Variants in ASH2L observed in about 807,000 individuals in gnomAD.
ASH2L encodes ASH2 like, histone lysine methyltransferase complex subunit.
ASH2L carries 30 observed loss-of-function variants against 81.1 expected under a neutral mutation model. The ratio of observed to expected loss-of-function variants is 0.37; its 90% confidence interval spans 0.28 to 0.50. The LOEUF is 0.50. Among genes scored for constraint, ASH2L ranks in the 20% least tolerant of loss-of-function variants. ASH2L has a pLI of 0.95. For synonymous variants in ASH2L, 273 were observed against 279.9 expected (o/e 0.98, Z 0.24); for missense variants, 559 against 792.1 (o/e 0.71, Z 3.53).
Position 38,106,022 on chromosome 8 carries a change from A to G in ASH2L, c.188+284A>G, listed in dbSNP as rs964874374. 3.3e-5 allele frequency: 51 copies of G among 1,529,518 alleles called. No homozygotes were observed. The Middle Eastern group carries it at 5.0e-4, about 15-fold the overall frequency. 94.7% of individuals were successfully genotyped at this position (1,529,518 alleles called of 1,614,324 possible). On this transcript the variant is annotated intron_variant, in intron 1 of 15. Transcript: ENST00000343823. ...TCACACTTTAACGGGAGGCCTTCAC[A>G]TATTCCAGAAAAGAAACCACTTTGC...
Position 38,119,328 on chromosome 8 carries a change from T to C in ASH2L, c.912T>C (p.Asp304=). 2 of 1,549,742 alleles carry C rather than the reference T, an allele frequency of 1.3e-6. No homozygotes were observed. Among genetic ancestry groups the C allele is most frequent in the Non-Finnish European group, 1.7e-6 (2 of 1,146,348 alleles). ...GAGGAGCCAAGCGCAAACAGCAGGA[T>C]GGAGGGACCACAGGGACCACCAAGA... is the stretch of plus-strand genomic sequence containing the variant. ...KGRGAKRKQQ[D]GGTTGTTKKA... Residue 304 remains aspartate (D), a synonymous_variant, in exon 9 of 16, where the codon GAT becomes GAC. Transcript: ENST00000343823.
Position 38,121,153 on chromosome 8 carries a change from T to A in ASH2L, c.1165+4T>A, listed in dbSNP as rs1265989562. On this transcript the variant is annotated splice_donor_region_variant and intron_variant, in intron 10 of 15. Coordinates refer to ENST00000343823, the MANE Select transcript of ASH2L (RefSeq NM_004674.5). ...TTGTTAGCCCTACATGATCGAGGTA[T>A]GTAAAGTATTGGAGATCATATGGAT... 1.9e-6 allele frequency: 3 copies of A among 1,611,606 alleles called. No homozygotes were observed. The Admixed American group carries it at 5.0e-5, about 27-fold the overall frequency.
intron 6 of ASH2L, chr8:38,114,683 A>G: frequency 5.9e-6 from 3 of 505,570 alleles, no homozygotes; most frequent in Admixed American, 3.5e-5. Context: ...TCTTTGTGAA[A>G]TAGAAGGATA....
chr8:38,138,473 C>T (rs1334302227), intron 14 of ASH2L: 5 of 224,406 alleles, frequency 2.2e-5, no homozygotes, highest in South Asian at 1.6e-4. Context: ...GGATATTTAA[C>T]GTTTTATCTG....
chr8:38,138,918 C>T lies in ASH2L; in HGVS notation c.1779+43C>T, dbSNP rs113109779. 99 of 1,613,240 alleles carry T rather than the reference C, an allele frequency of 6.1e-5. 1 individual carries two copies. In the African/African-American group the frequency reaches 8.5e-4, roughly 14 times the overall value. ...TGGCTGCATGTGTCCTCAGCATCTC[C>T]GTGGCTGCTGTAGTCACCGTGTTCT... On this transcript the variant is annotated intron_variant, in intron 15 of 15. Coordinates refer to ENST00000343823, the MANE Select transcript of ASH2L (RefSeq NM_004674.5).
In ASH2L at chr8:38,139,138, A is replaced by G. The variant is rs1234985963; in HGVS notation, c.*67A>G. 1.6e-6 allele frequency: 2 copies of G among 1,256,728 alleles called. No homozygotes were observed. The highest frequency in any genetic ancestry group is 1.5e-5 in the African/African-American group (1 of 66,224). The allele number at this position is 1,256,728 out of a possible 1,614,324, so 77.8% of individuals were successfully genotyped here. A position where few individuals can be genotyped will look rare whatever the true frequency, so the allele number is the denominator to read the frequency against. On this transcript the variant is annotated 3_prime_UTR_variant, in exon 16 of 16. Coordinates refer to ENST00000343823, the MANE Select transcript of ASH2L (RefSeq NM_004674.5). ...CTGGGGGTTTTGTTTTTGTTTTTGA[A>G]CTGTCTCAAATGTTCTCCCAAAGAT...
At chr8:38,133,276 A>T (rs1802130620) in intron 12 of ASH2L, among the ~76,000 whole-genome samples, 178 bp from the exon 13 acceptor site, 1 of 152,214 alleles carries the variant, frequency 6.6e-6, no homozygotes, top group African/African-American at 2.4e-5. Context: ...AACATGTGCC[A>T]TCTGGTATTT....
intron 9 of ASH2L, 135 bp downstream of exon 9, chr8:38,119,498 G>C (rs759281681): frequency 4.2e-6 from 3 of 713,236 alleles, no homozygotes; most frequent in Non-Finnish European, 6.6e-6. Context: ...TGAGCACTTT[G>C]AGGGACAAAA....
intron 13 of ASH2L, among the ~76,000 whole-genome samples, chr8:38,134,496 T>C (rs570252700): frequency 3.3e-5 from 5 of 152,268 alleles, no homozygotes; most frequent in African/African-American, 9.6e-5. Flanking sequence ...TCTCACTCAG[T>C]GTCCTTCAGA....
chr8:38,119,222 G>A, intron 8 of ASH2L, 48 bp from the exon 9 acceptor site: 1 of 1,499,464 alleles, frequency 6.7e-7, no homozygotes, highest in Non-Finnish European at 9.1e-7. Flanking sequence ...GTATCCACAT[G>A]GTGTTTCCCT....
At chr8:38,133,354 A>C in intron 12 of ASH2L, 100 bp from the exon 13 acceptor site, 22 of 733,300 alleles carry the variant, frequency 3.0e-5, no homozygotes, top group Non-Finnish European at 4.8e-5. Context: ...TATCTGTTGT[A>C]GAGCTCAAGG....
At chr8:38,118,764 A>G (rs1267235378) in intron 8 of ASH2L, among the ~76,000 whole-genome samples, 1 of 152,196 alleles carries the variant, frequency 6.6e-6, no homozygotes, top group African/African-American at 2.4e-5. Flanking sequence ...ATTCAGGTTC[A>G]ATGCTTTAGC....
rs151062613 is a variant in ASH2L, at chr8:38,135,856, T to TC, written c.1719+92dup. 2,695 of 975,194 alleles carry TC rather than the reference T, an allele frequency of 2.8e-3. 71 individuals carry two copies. In the African/African-American group the frequency reaches 0.04, roughly 14 times the overall value. The allele number at this position is 975,194 out of a possible 1,614,324, so 60.4% of individuals were successfully genotyped here. On this transcript the variant is annotated intron_variant, in intron 14 of 15. Transcript: ENST00000343823. ...AAAGTTACTGAGTGCTGGAACGAAATCCAAGCAGCCTCAGAGTGGCATGCG... is the reference window on the plus strand; with the variant it reads ...AAAGTTACTGAGTGCTGGAACGAAATCCCAAGCAGCCTCAGAGTGGCATGCG...
Position 38,128,939 on chromosome 8 carries a change from A to G in ASH2L, c.1515A>G (p.Thr505=), listed in dbSNP as rs566284605. The part of the protein sequence containing the change: ...DTETAKSLPD[T]YKDKALIKFK... ...AGACAGCCAAGTCATTGCCAGACAC[A>G]TACAAAGATAAGGTGAGTTTGTCCT... The change falls in exon 12 of 16, where the codon ACA becomes ACG. Residue 505 remains threonine, a synonymous_variant. Coordinates refer to ENST00000343823, the MANE Select transcript of ASH2L (RefSeq NM_004674.5). 1.2e-6 allele frequency: 2 copies of G among 1,612,740 alleles called. No individual in the cohort carries two copies. The highest frequency in any genetic ancestry group is 1.1e-5 in the South Asian group (1 of 90,720).
At chr8:38,128,256 A>T in intron 10 of ASH2L, 35 bp from the exon 11 acceptor site, 1 of 1,611,048 alleles carries the variant, frequency 6.2e-7, no homozygotes, top group South Asian at 1.1e-5. Flanking sequence ...ACCTCAAATA[A>T]GTTGCAGGCC....
At chr8:38,117,059 A>G (rs761917514) in intron 8 of ASH2L, among the ~76,000 whole-genome samples, 2 of 152,194 alleles carry the variant, frequency 1.3e-5, no homozygotes, top group African/African-American at 2.4e-5. Context: ...TTTTTCTGCA[A>G]TTCAGCTGTT....
In ASH2L at chr8:38,135,784, TC is replaced by T. The variant is rs1262181266; in HGVS notation, c.1719+21del. On this transcript the variant is annotated intron_variant, in intron 14 of 15. Transcript: ENST00000343823. ...GCTGCACGGTACGTACATGTTTCCA[TC>T]CCATGAGCAAAACTTGAGGGAAGCA... is the stretch of plus-strand genomic sequence containing the variant. 6.4e-7 allele frequency: 1 copy of T among 1,563,788 alleles called. No homozygotes were observed. Among genetic ancestry groups the T allele is most frequent in the Non-Finnish European group, 8.7e-7 (1 of 1,150,684 alleles).
rs934347747 is a variant in ASH2L at position 38,125,562 on chromosome 8, C to T, written c.1166-2729C>T. 5.3e-5 allele frequency among the ~76,000 whole-genome samples: 8 copies of T among 150,408 alleles called. No homozygotes were observed. The South Asian group carries it at 1.0e-3, about 20-fold the overall frequency. On this transcript the variant is annotated intron_variant, in intron 10 of 15. Transcript: ENST00000343823. ...GGCGGAGGTTGCAGTGAGCCGAGAT[C>T]GCGCCATTGCACTCCAGCCTGGGCG...
chr8:38,128,077 A>G (rs1292079326), intron 10 of ASH2L, among the ~76,000 whole-genome samples: 1 of 152,134 alleles, frequency 6.6e-6, no homozygotes, highest in African/African-American at 2.4e-5. Context: ...TGTAATAAAA[A>G]CTAAGTAACC....
Sources: gnomAD v4.1 joint callset for allele counts (sites outside exome capture counted in the v4.1 genomes callset) on GRCh38, gnomAD v4.1.1 for gene constraint, MANE v1.5 for transcripts, NCBI Gene and HGNC (gene_info 2026-07-23, HGNC 2026-07-21) for gene names.